The following PCDH15 variants were observed in gnomAD, a reference collection of about 807,000 sequenced individuals.
PCDH15 encodes protocadherin-15.
A neutral mutation model predicts 178.5 loss-of-function variants in PCDH15; 129 were observed. The observed-to-expected ratio is 0.72, with a 90% CI of 0.63 to 0.84. PCDH15 has a LOEUF of 0.84. Ranked by LOEUF, PCDH15 falls within the 40% of genes least tolerant of loss-of-function variation. PCDH15 has a pLI of 0.00. For missense variants in PCDH15, 2,230 were observed against 2,099.9 expected (o/e 1.06, Z -1.21); for synonymous variants, 800 against 732.0 (o/e 1.09, Z -1.50).
intron 3 of PCDH15, among the ~76,000 whole-genome samples, chr10:54,873,726 G>A (rs1288736915): frequency 1.4e-5 from 2 of 145,152 alleles, no homozygotes; most frequent in African/African-American, 5.0e-5. Flanking sequence ...TAATATATGT[G>A]TATGTATATA....
intron 3 of PCDH15, among the ~76,000 whole-genome samples, chr10:54,498,030 GAA>G (rs1389703569): frequency 6.6e-6 from 1 of 151,200 alleles, no homozygotes; most frequent in Non-Finnish European, 1.5e-5. Flanking sequence ...TAACATGAAA[GAA>G]AAAAAATATT....
intron 2 of PCDH15, among the ~76,000 whole-genome samples, chr10:55,354,948 C>T (rs1455264365): frequency 6.6e-6 from 1 of 151,978 alleles, no homozygotes; most frequent in Non-Finnish European, 1.5e-5. Context: ...CTGGGATATT[C>T]TCCCTCCCAA....
intron 3 of PCDH15, among the ~76,000 whole-genome samples, chr10:54,817,486 G>C (rs1952966657): frequency 6.6e-6 from 1 of 151,908 alleles, no homozygotes; most frequent in African/African-American, 2.4e-5. Flanking sequence ...AAGCTGAAAT[G>C]AATTCTTGTT....
intron 2 of PCDH15, among the ~76,000 whole-genome samples, chr10:55,507,526 TGA>T (rs772124928): frequency 1.3e-5 from 2 of 151,570 alleles, no homozygotes; most frequent in Non-Finnish European, 3.0e-5. Flanking sequence ...CCAAGTAACT[TGA>T]GTTTTCTTTT....
chr10:54,475,762 A>G (rs1053947473), intron 3 of PCDH15, among the ~76,000 whole-genome samples: 24 of 151,704 alleles, frequency 1.6e-4, no homozygotes, highest in African/African-American at 5.3e-4. Context: ...GCTGCAGGTA[A>G]AGATGATGAT....
chr10:55,221,033 T>C (rs2132183806), intron 1 of PCDH15, among the ~76,000 whole-genome samples: 1 of 152,238 alleles, frequency 6.6e-6, no homozygotes, highest in Admixed American at 6.5e-5. Flanking sequence ...ATCATCAGGA[T>C]ATACATTCAT....
chr10:55,319,050 AACACACACACAC>A (rs67901034), intron 1 of PCDH15, among the ~76,000 whole-genome samples: 1 of 150,088 alleles, frequency 6.7e-6, no homozygotes, highest in South Asian at 2.1e-4. Context: ...AAACAAACAA[AACACACACACAC>A]ACACACACAC....
intron 1 of PCDH15, among the ~76,000 whole-genome samples, chr10:54,738,141 G>C (rs1384485525): frequency 6.6e-6 from 1 of 152,044 alleles, no homozygotes; most frequent in African/African-American, 2.4e-5. Flanking sequence ...GAGTTAAGAA[G>C]GACAGATCAT....
chr10:55,528,269 T>C (rs1841350892), intron 2 of PCDH15, among the ~76,000 whole-genome samples: 1 of 151,892 alleles, frequency 6.6e-6, no homozygotes, highest in Non-Finnish European at 1.5e-5. Context: ...GGTACATGTA[T>C]ACAACGTGCA....
intron 3 of PCDH15, among the ~76,000 whole-genome samples, chr10:54,503,943 C>T (rs983627451): frequency 6.6e-5 from 10 of 151,938 alleles, no homozygotes; most frequent in South Asian, 2.1e-4. Context: ...GCACAGTGTC[C>T]GGAATTTTCC....
At chr10:53,887,657 G>A (rs967567713) in intron 26 of PCDH15, among the ~76,000 whole-genome samples, 7 of 152,196 alleles carry the variant, frequency 4.6e-5, no homozygotes, top group African/African-American at 1.7e-4. Flanking sequence ...GGGAGGCCGA[G>A]GCGGGCGGAT....
At chr10:55,016,538 T>G (rs1474644594) in intron 2 of PCDH15, among the ~76,000 whole-genome samples, 1 of 152,162 alleles carries the variant, frequency 6.6e-6, no homozygotes, top group African/African-American at 2.4e-5. Flanking sequence ...CTTATTTCAC[T>G]TAACCCAGTA....
intron 2 of PCDH15, among the ~76,000 whole-genome samples, chr10:55,571,062 C>T (rs976364675): frequency 6.6e-6 from 1 of 152,040 alleles, no homozygotes; most frequent in Non-Finnish European, 1.5e-5. Flanking sequence ...AAGGTGGGTC[C>T]TGTTGGGAGG....
intron 1 of PCDH15, among the ~76,000 whole-genome samples, chr10:55,292,904 G>A (rs190547118): frequency 6.6e-6 from 1 of 152,134 alleles, no homozygotes; most frequent in Non-Finnish European, 1.5e-5. Flanking sequence ...GCAATTCTGG[G>A]GTCTGGAGGA....
chr10:54,846,603 C>A (rs1953522527), intron 3 of PCDH15, among the ~76,000 whole-genome samples: 1 of 152,108 alleles, frequency 6.6e-6, no homozygotes, highest in Admixed American at 6.6e-5. Flanking sequence ...TCTACCTTTT[C>A]TTCTCATTTG....
rs541278776 is a variant in PCDH15, at chr10:54,066,793, C to T, written c.2184G>A (p.Val728=). Residue 728 remains valine, a synonymous_variant, in exon 18 of 38, where the codon GTG becomes GTA. Transcript: ENST00000644397. ...DPYLPRNLSV[V]EEEANAFVGQ... ...CCACAAAGGCATTGGCTTCTTCTTC[C>T]ACCACAGATAAATTTCTTGGCAGAT... 4 of 1,613,388 alleles carry T rather than the reference C, an allele frequency of 2.5e-6. No homozygotes were observed. In the Admixed American group the frequency reaches 6.7e-5, roughly 27 times the overall value.
At chr10:54,853,414 C>T (rs1420764124) in intron 3 of PCDH15, among the ~76,000 whole-genome samples, 1 of 132,354 alleles carries the variant, frequency 7.6e-6, no homozygotes, top group East Asian at 2.3e-4. Context: ...CATATATATA[C>T]ACATACATAT....
At chr10:53,906,043 C>T (rs1204650234) in intron 25 of PCDH15, among the ~76,000 whole-genome samples, 3 of 151,914 alleles carry the variant, frequency 2.0e-5, no homozygotes, top group Non-Finnish European at 4.4e-5. Flanking sequence ...AAAAGAGAAA[C>T]AGTTATAATG....
At chr10:55,145,874 C>G (rs4994671) in intron 2 of PCDH15, among the ~76,000 whole-genome samples, 56,426 of 151,590 alleles carry the variant, frequency 0.37, 10,888 homozygotes, top group Admixed American at 0.47. Context: ...CTTACAAACT[C>G]TTGACTGTAA....
Sources: allele counts gnomAD v4.1 joint callset (sites outside exome capture counted in the v4.1 genomes callset), GRCh38; gene constraint gnomAD v4.1.1; transcripts MANE v1.5; gene names NCBI Gene and HGNC (gene_info 2026-07-23, HGNC 2026-07-21).